SLCO2A1: variants seen among roughly 807,000 people sequenced by gnomAD.
SLCO2A1 encodes solute carrier organic anion transporter family member 2A1.
Under a neutral mutation model 71.7 loss-of-function variants are expected in SLCO2A1, and 60 were observed. The observed-to-expected ratio is 0.84, with a 90% confidence interval of 0.68 to 1.04. The LOEUF (loss-of-function observed/expected upper bound fraction) is 1.04, where lower values mean the gene tolerates loss of function less well. SLCO2A1 is among the 50% of genes least tolerant of loss of function. The pLI, the probability that SLCO2A1 is intolerant of heterozygous loss-of-function variation, is 0.00. For synonymous variants in SLCO2A1, 308 were observed against 326.7 expected, an observed-to-expected ratio of 0.94 and a Z score of 0.62; for missense variants, 745 against 813.4, an observed-to-expected ratio of 0.92 and a Z score of 1.02.
At chr3:133,961,123 A>G (rs1051115386) in intron 3 of SLCO2A1, among the ~76,000 whole-genome samples, 1 of 152,048 alleles carries the variant, frequency 6.6e-6, no homozygotes, top group Non-Finnish European at 1.5e-5. Context: ...GGTCAGTGCA[A>G]TGAACACACT....
Position 134,029,704 on chromosome 3 carries a change from C to A in SLCO2A1, c.96+3G>T, listed in dbSNP as rs1260140648. The A allele has an allele frequency of 6.3e-7, 1 of 1,584,406 alleles. No homozygotes were observed. The highest frequency in any genetic ancestry group is 1.1e-5 in the South Asian group (1 of 87,646). On this transcript the variant is annotated splice_donor_region_variant and intron_variant, in intron 1 of 13. Transcript: ENST00000310926. ...CCCGGAAGACCCCGCGGACTCCGCT[C>A]ACCTTAATGTTGCCGAAGACCGAGC...
chr3:133,975,679 C>A (rs1934425752), intron 2 of SLCO2A1, among the ~76,000 whole-genome samples: 1 of 152,176 alleles, frequency 6.6e-6, no homozygotes, highest in Non-Finnish European at 1.5e-5. Flanking sequence ...CATACTGCCC[C>A]CAGCTGTTCT....
intron 12 of SLCO2A1, among the ~76,000 whole-genome samples, chr3:133,936,716 C>T (rs971474496): frequency 2.0e-5 from 3 of 152,088 alleles, no homozygotes; most frequent in Non-Finnish European, 4.4e-5. Flanking sequence ...TGTTTAGGGC[C>T]CTGTGAGCAG....
chr3:133,948,441 G>T, intron 8 of SLCO2A1, 95 bp downstream of exon 8: 2 of 1,318,182 alleles, frequency 1.5e-6, no homozygotes, highest in East Asian at 2.3e-5. Context: ...GCCTATGTCC[G>T]GTCTGGCCTG....
intron 1 of SLCO2A1, among the ~76,000 whole-genome samples, chr3:134,010,415 A>T (rs1935308936): frequency 6.6e-6 from 1 of 152,038 alleles, no homozygotes; most frequent in African/African-American, 2.4e-5. Context: ...AGGGAGAGAG[A>T]GCAAGAGTGA....
intron 11 of SLCO2A1, among the ~76,000 whole-genome samples, chr3:133,940,858 G>A (rs1933403615): frequency 6.6e-6 from 1 of 152,172 alleles, no homozygotes; most frequent in Non-Finnish European, 1.5e-5. Flanking sequence ...GGTTGTAGTT[G>A]CAATGAGCAA....
chr3:133,984,328 C>T (rs551206818), intron 1 of SLCO2A1, among the ~76,000 whole-genome samples: 5 of 152,272 alleles, frequency 3.3e-5, no homozygotes, highest in South Asian at 4.2e-4. Flanking sequence ...GAGCCAATCT[C>T]GCCACCAGCT....
At chr3:133,941,216 C>T (rs759835897) in intron 11 of SLCO2A1, among the ~76,000 whole-genome samples, 1 of 152,190 alleles carries the variant, frequency 6.6e-6, no homozygotes, top group Non-Finnish European at 1.5e-5. Context: ...TCTGCTCCTT[C>T]CTTTTCTCCT....
intron 1 of SLCO2A1, among the ~76,000 whole-genome samples, chr3:133,986,299 G>A (rs773071402): frequency 2.6e-5 from 4 of 152,174 alleles, no homozygotes; most frequent in Non-Finnish European, 5.9e-5. Flanking sequence ...CGTTGGCAAT[G>A]TCATTGGAAT....
chr3:134,011,633 C>T (rs546680311), intron 1 of SLCO2A1, among the ~76,000 whole-genome samples: 64 of 152,314 alleles, frequency 4.2e-4, no homozygotes, highest in African/African-American at 1.5e-3. Context: ...GGGGTGCAGC[C>T]CTGGAGCACA....
chr3:133,955,909 C>T (rs1402591109), intron 3 of SLCO2A1, among the ~76,000 whole-genome samples: 4 of 152,212 alleles, frequency 2.6e-5, no homozygotes, highest in Non-Finnish European at 4.4e-5. Flanking sequence ...GGCTGCTTCT[C>T]GAAGCCCTTC....
At chr3:133,959,926 C>T (rs955959711) in intron 3 of SLCO2A1, among the ~76,000 whole-genome samples, 6 of 152,018 alleles carry the variant, frequency 3.9e-5, no homozygotes, top group African/African-American at 9.7e-5. Context: ...CAAGACCATC[C>T]TGGCTAACAC....
At chr3:134,007,482 T>A (rs1935245202) in intron 1 of SLCO2A1, among the ~76,000 whole-genome samples, 1 of 152,238 alleles carries the variant, frequency 6.6e-6, no homozygotes, top group Non-Finnish European at 1.5e-5. Flanking sequence ...TCATTTGAAG[T>A]TAATTTCTAT....
chr3:133,995,185 T>G (rs1934939976), intron 1 of SLCO2A1, among the ~76,000 whole-genome samples: 1 of 152,138 alleles, frequency 6.6e-6, no homozygotes, highest in Non-Finnish European at 1.5e-5. Context: ...TCTTTTGACT[T>G]CTAACAGCAA....
intron 1 of SLCO2A1, among the ~76,000 whole-genome samples, chr3:133,984,110 T>C (rs952027674): frequency 1.3e-5 from 2 of 152,192 alleles, no homozygotes; most frequent in Non-Finnish European, 2.9e-5. Flanking sequence ...AAATTAGTAA[T>C]GAATTAACAG....
At chr3:134,004,316 T>G (rs368450477) in intron 1 of SLCO2A1, among the ~76,000 whole-genome samples, 3 of 152,330 alleles carry the variant, frequency 2.0e-5, no homozygotes, top group African/African-American at 7.2e-5. Flanking sequence ...TGGTCTTAAA[T>G]TAATCACAAG....
chr3:133,935,218 C>A (rs1559926313), intron 13 of SLCO2A1, among the ~76,000 whole-genome samples: 1 of 152,228 alleles, frequency 6.6e-6, no homozygotes, highest in Non-Finnish European at 1.5e-5. Context: ...CATACCATTT[C>A]CAGCCCCTGC....
At chr3:133,987,136 C>T (rs1445466750) in intron 1 of SLCO2A1, among the ~76,000 whole-genome samples, 1 of 124,824 alleles carries the variant, frequency 8.0e-6, no homozygotes, top group East Asian at 3.0e-4. Flanking sequence ...TCAAAGCCCC[C>T]CCCCCCGCCC....
Position 133,973,719 on chromosome 3 carries a change from A to G in SLCO2A1, c.341T>C (p.Ile114Thr). The G allele has an allele frequency of 6.2e-7, 1 of 1,614,126 alleles. No individual in the cohort carries two copies. The highest frequency in any genetic ancestry group is 8.5e-7 in the Non-Finnish European group (1 of 1,180,036). Residue 114 changes from isoleucine to threonine, a missense_variant, in exon 3 of 14, where the codon ATC becomes ACC. Transcript: ENST00000310926. ...GGAGAGGAAGTGTGGGAGGGTGAGG[A>G]TGAAGGCACCTGCAGCCAGGAAGAG... Reference protein sequence around the residue: ...GGLFLAAGAFILTLPHFLSEP... With the variant: ...GGLFLAAGAFTLTLPHFLSEP...
Sources: gnomAD v4.1 joint callset for allele counts (sites outside exome capture counted in the v4.1 genomes callset) on GRCh38, gnomAD v4.1.1 for gene constraint, MANE v1.5 for transcripts, NCBI Gene and HGNC (gene_info 2026-07-23, HGNC 2026-07-21) for gene names.